Variants in RANBP2 observed in about 807,000 individuals in gnomAD.
RANBP2 encodes the protein E3 SUMO-protein ligase RanBP2.
RANBP2 carries 57 observed loss-of-function variants against 303.6 expected under a neutral mutation model. That is an observed-to-expected ratio of 0.19 (90% CI 0.15 to 0.23). RANBP2 has a LOEUF of 0.23. RANBP2 is among the 10% of genes least tolerant of loss of function. The pLI is 1.00. For synonymous variants in RANBP2, 1,167 were observed against 1,301.5 expected (o/e 0.90, Z 2.23); for missense variants, 3,138 against 3,780.8 (o/e 0.83, Z 4.46).
At chr2:109,558,210 C>A in the RANBP2 span, among the ~76,000 whole-genome samples, 1 of 152,084 alleles carries the variant, frequency 6.6e-6, no homozygotes, top group Non-Finnish European at 1.5e-5. Flanking sequence ...AAGAAAAGTC[C>A]TTTCCTTCAA....
chr2:108,740,316 T>TA (rs926959319), intron 6 of RANBP2, among the ~76,000 whole-genome samples, 173 bp from the exon 7 acceptor site: 30 of 151,952 alleles, frequency 2.0e-4, no homozygotes, highest in Middle Eastern at 3.4e-3. Context: ...GTATGCAGGA[T>TA]AAAAAAAAGC....
At chr2:109,609,343 ATAC>A in the RANBP2 span, among the ~76,000 whole-genome samples, 2 of 148,382 alleles carry the variant, frequency 1.3e-5, no homozygotes, top group Non-Finnish European at 3.0e-5. Context: ...ACAAAGAATA[ATAC>A]AGGTTGCTCT....
chr2:108,888,157 A>G, the RANBP2 span, among the ~76,000 whole-genome samples: 2 of 152,036 alleles, frequency 1.3e-5, no homozygotes, highest in Non-Finnish European at 2.9e-5. Context: ...TTGATGTGAT[A>G]TGTCACATTT....
chr2:109,323,507 T>A, the RANBP2 span, among the ~76,000 whole-genome samples: 1 of 152,254 alleles, frequency 6.6e-6, no homozygotes, highest in African/African-American at 2.4e-5. Flanking sequence ...GGTAGCATGC[T>A]GTCCCTCTCC....
At chr2:109,633,625 G>A in the RANBP2 span, among the ~76,000 whole-genome samples, 1 of 152,098 alleles carries the variant, frequency 6.6e-6, no homozygotes, top group Non-Finnish European at 1.5e-5. Flanking sequence ...CAGCCCTGCA[G>A]AGCCACCGCC....
the RANBP2 span, among the ~76,000 whole-genome samples, chr2:109,522,651 C>T: frequency 6.6e-6 from 1 of 151,984 alleles, no homozygotes; most frequent in African/African-American, 2.4e-5. Context: ...AGCAATCCTC[C>T]CGCCTCGGCC....
chr2:109,525,677 G>A, the RANBP2 span, among the ~76,000 whole-genome samples: 2 of 152,170 alleles, frequency 1.3e-5, no homozygotes, highest in African/African-American at 2.4e-5. Context: ...CAACCTGCTC[G>A]GTGCCCATTT....
At chr2:109,493,991 C>G in the RANBP2 span, among the ~76,000 whole-genome samples, 2 of 152,202 alleles carry the variant, frequency 1.3e-5, no homozygotes, top group Non-Finnish European at 2.9e-5. Context: ...CACCTGCTGC[C>G]TGTGTTTTCC....
At chr2:109,266,857 T>G in the RANBP2 span, among the ~76,000 whole-genome samples, 1 of 152,162 alleles carries the variant, frequency 6.6e-6, no homozygotes, top group Admixed American at 6.5e-5. Context: ...TATTCAGAGC[T>G]GGAGACCACT....
At chr2:109,196,937 T>G in the RANBP2 span, among the ~76,000 whole-genome samples, 4 of 152,196 alleles carry the variant, frequency 2.6e-5, no homozygotes, top group East Asian at 7.7e-4. Flanking sequence ...GTGCGAAGGC[T>G]TCCCCTACAC....
chr2:108,843,880 T>TGTG, the RANBP2 span, among the ~76,000 whole-genome samples: 72 of 94,094 alleles, frequency 7.7e-4, no homozygotes, highest in African/African-American at 3.8e-3. Flanking sequence ...GTGTGTGTGT[T>TGTG]TCTTTCTTTT....
the RANBP2 span, among the ~76,000 whole-genome samples, chr2:109,444,622 A>G: frequency 6.6e-6 from 1 of 152,204 alleles, no homozygotes; most frequent in African/African-American, 2.4e-5. Context: ...TGGCCTGAGG[A>G]CTAGGACTAG....
chr2:109,303,448 AC>A, the RANBP2 span, among the ~76,000 whole-genome samples: 1 of 152,230 alleles, frequency 6.6e-6, no homozygotes, highest in East Asian at 1.9e-4. Flanking sequence ...GTAGACTGGT[AC>A]ATGGCAGAAC....
chr2:109,434,256 ACT>A, the RANBP2 span, among the ~76,000 whole-genome samples: 29 of 152,092 alleles, frequency 1.9e-4, no homozygotes, highest in Admixed American at 8.5e-4. Flanking sequence ...GGGGGACATC[ACT>A]CTGTCACACG....
chr2:109,390,075 C>T, the RANBP2 span, among the ~76,000 whole-genome samples: 9 of 152,138 alleles, frequency 5.9e-5, no homozygotes, highest in Non-Finnish European at 8.8e-5. Flanking sequence ...CACACCCCAC[C>T]GGAGGGACTC....
At chr2:109,136,129 G>A in the RANBP2 span, among the ~76,000 whole-genome samples, 4 of 152,022 alleles carry the variant, frequency 2.6e-5, no homozygotes, top group Non-Finnish European at 5.9e-5. Flanking sequence ...TGACAGATTC[G>A]GGGCTCAGTT....
At chr2:109,065,786 C>T in the RANBP2 span, among the ~76,000 whole-genome samples, 6 of 152,198 alleles carry the variant, frequency 3.9e-5, no homozygotes, top group Admixed American at 1.3e-4. Flanking sequence ...CTGGCCTCCG[C>T]GTCTTACGAG....
At chr2:109,663,813 C>A in the RANBP2 span, among the ~76,000 whole-genome samples, 1 of 152,178 alleles carries the variant, frequency 6.6e-6, no homozygotes. Context: ...TAACAAGAAT[C>A]CACACGCCAG....
chr2:108,909,057 G>A, the RANBP2 span, among the ~76,000 whole-genome samples: 1 of 152,190 alleles, frequency 6.6e-6, no homozygotes, highest in Non-Finnish European at 1.5e-5. Context: ...AGGGACAAAA[G>A]CTCAGTGCCT....
Sources: allele counts gnomAD v4.1 joint callset (sites outside exome capture counted in the v4.1 genomes callset), GRCh38; gene constraint gnomAD v4.1.1; transcripts MANE v1.5; gene names NCBI Gene and HGNC (gene_info 2026-07-23, HGNC 2026-07-21).